The following MTUS2 variants were observed in gnomAD, a reference collection of about 807,000 sequenced individuals.
The protein encoded by MTUS2 is microtubule associated scaffold protein 2.
Under a neutral mutation model 114.1 loss-of-function variants are expected in MTUS2, and 40 were observed. That is an observed-to-expected ratio of 0.35 (90% CI 0.27 to 0.46). MTUS2 has a LOEUF of 0.46. MTUS2 is among the 20% of genes least tolerant of loss of function. The probability of loss-of-function intolerance (pLI) is 1.00; values close to 1 mark genes in which losing one functional copy is unlikely to be tolerated. For missense variants in MTUS2, 1,679 were observed against 1,705.4 expected (o/e 0.98, Z 0.27); for synonymous variants, 688 against 672.0 (o/e 1.02, Z -0.37).
intron 2 of MTUS2, among the ~76,000 whole-genome samples, chr13:28,845,203 G>A (rs1013645366): frequency 1.3e-5 from 2 of 152,024 alleles, no homozygotes; most frequent in East Asian, 1.9e-4. Context: ...TTCTGCCTCC[G>A]CCTCCCAAAG....
intron 2 of MTUS2, among the ~76,000 whole-genome samples, chr13:28,990,562 G>A (rs1884790510): frequency 6.6e-6 from 1 of 151,924 alleles, no homozygotes; most frequent in Admixed American, 6.5e-5. Context: ...GATTGTAAAT[G>A]CACCAGTCAG....
At chr13:29,135,620 T>C (rs1421895233) in intron 5 of MTUS2, among the ~76,000 whole-genome samples, 2 of 152,218 alleles carry the variant, frequency 1.3e-5, no homozygotes, top group Non-Finnish European at 2.9e-5. Context: ...CTTCTTGCAT[T>C]ACTATCTTCT....
At chr13:29,492,477 G>C in intron 11 of MTUS2, among the ~76,000 whole-genome samples, 169 bp from the exon 12 acceptor site, 1 of 151,946 alleles carries the variant, frequency 6.6e-6, no homozygotes, top group East Asian at 1.9e-4. Flanking sequence ...ATACTAACCT[G>C]GTCATGACAT....
intron 1 of MTUS2, among the ~76,000 whole-genome samples, chr13:28,831,396 A>G (rs1360388958): frequency 6.6e-6 from 1 of 152,228 alleles, no homozygotes; most frequent in Admixed American, 6.5e-5. Context: ...TATGCCATTC[A>G]CCACACTCAC....
intron 7 of MTUS2, among the ~76,000 whole-genome samples, chr13:29,335,621 T>A (rs1376479970): frequency 6.6e-6 from 1 of 152,138 alleles, no homozygotes; most frequent in Admixed American, 6.5e-5. Context: ...GACACCCAGC[T>A]TTAAAATTTC....
At chr13:29,306,751 C>G in intron 6 of MTUS2, 1 of 294,038 alleles carries the variant, frequency 3.4e-6, no homozygotes, top group Non-Finnish European at 6.9e-6. Flanking sequence ...TTTTCTCTTG[C>G]ATTGCCAGCC....
chr13:29,179,478 A>G (rs1467697809), intron 5 of MTUS2, among the ~76,000 whole-genome samples: 1 of 152,208 alleles, frequency 6.6e-6, no homozygotes, highest in Non-Finnish European at 1.5e-5. Context: ...CAGTGGTAAT[A>G]TGGAGAGATT....
intron 7 of MTUS2, among the ~76,000 whole-genome samples, chr13:29,337,703 G>C (rs1901145987): frequency 1.3e-5 from 2 of 151,352 alleles, no homozygotes; most frequent in African/African-American, 4.9e-5. Flanking sequence ...CCGGGTTCAA[G>C]TGATTCTCCT....
chr13:29,232,336 A>G (rs1269840062), intron 5 of MTUS2, among the ~76,000 whole-genome samples: 2 of 151,910 alleles, frequency 1.3e-5, no homozygotes, highest in African/African-American at 4.8e-5. Flanking sequence ...ACACATACAC[A>G]TATGGGCACA....
chr13:28,983,691 G>A (rs1221680011), intron 2 of MTUS2, among the ~76,000 whole-genome samples: 2 of 152,096 alleles, frequency 1.3e-5, no homozygotes, highest in Admixed American at 6.6e-5. Context: ...CAGATTCTTG[G>A]GTCCCACCCC....
intron 7 of MTUS2, among the ~76,000 whole-genome samples, chr13:29,338,686 A>G (rs1339060589): frequency 1.3e-5 from 2 of 152,168 alleles, no homozygotes; most frequent in Non-Finnish European, 2.9e-5. Flanking sequence ...TTTTGTATAT[A>G]GTGTGAGGTG....
rs114063019 is a variant in MTUS2, at chr13:29,196,391, T to C, written c.2645-85313T>C. On this transcript the variant is annotated intron_variant, in intron 5 of 15. Coordinates refer to ENST00000612955, the MANE Select transcript of MTUS2 (RefSeq NM_001033602.4). ...AATGTGCAGACCTACATTTTATTAG[T>C]TTCTTTAATCTCAGATTTTTAAAAA... Among the ~76,000 whole-genome samples the C allele has an allele frequency of 1.7e-3, 260 of 151,452 alleles. 2 individuals are homozygous for C. The highest frequency in any genetic ancestry group is 5.9e-3 in the African/African-American group (245 of 41,198).
At chr13:29,395,376 T>G (rs1233521827) in intron 8 of MTUS2, among the ~76,000 whole-genome samples, 4 of 152,140 alleles carry the variant, frequency 2.6e-5, no homozygotes, top group African/African-American at 9.7e-5. Context: ...GGGATGTATT[T>G]TGAAAATGGA....
chr13:29,475,865 T>C (rs1593487855), intron 9 of MTUS2, among the ~76,000 whole-genome samples: 1 of 152,270 alleles, frequency 6.6e-6, no homozygotes, highest in East Asian at 1.9e-4. Flanking sequence ...CAGAAAAATT[T>C]TTTTAAATAA....
At position 29,266,746 on chromosome 13, in the gene MTUS2, A is replaced by G. The variant is rs371949118; in HGVS notation, c.2645-14958A>G. ...GTCTGGGGTTCAAGAACTGGGAAAA[A>G]TATGTGGCTATGATAGGAAGTGGCC... On this transcript the variant is annotated intron_variant, in intron 5 of 15. Transcript: ENST00000612955. Among the ~76,000 whole-genome samples the G allele has an allele frequency of 5.3e-5, 8 of 152,290 alleles. No homozygotes were observed. In the East Asian group the frequency reaches 1.4e-3, roughly 26 times the overall value.
intron 5 of MTUS2, among the ~76,000 whole-genome samples, chr13:29,157,531 A>G (rs1892912106): frequency 6.6e-6 from 1 of 152,176 alleles, no homozygotes; most frequent in Admixed American, 6.5e-5. Context: ...TACCTAACAT[A>G]AAGAAATGGA....
chr13:29,293,075 A>G (rs772403577), intron 6 of MTUS2, among the ~76,000 whole-genome samples: 4 of 152,196 alleles, frequency 2.6e-5, no homozygotes, highest in Admixed American at 1.3e-4. Context: ...CTTTTTTAGT[A>G]TGACATAAAA....
chr13:29,392,608 A>G (rs932601476), intron 8 of MTUS2, among the ~76,000 whole-genome samples: 1 of 152,226 alleles, frequency 6.6e-6, no homozygotes, highest in Non-Finnish European at 1.5e-5. Context: ...GTATATTTAT[A>G]TGAGTTTTAA....
intron 2 of MTUS2, among the ~76,000 whole-genome samples, chr13:28,961,987 T>G (rs551307179): frequency 8.5e-5 from 13 of 152,136 alleles, no homozygotes; most frequent in African/African-American, 3.1e-4. Context: ...GGGAGTAGAA[T>G]TCTTGGATTG....
Sources: allele counts gnomAD v4.1 joint callset (sites outside exome capture counted in the v4.1 genomes callset), GRCh38; gene constraint gnomAD v4.1.1; transcripts MANE v1.5; gene names NCBI Gene and HGNC (gene_info 2026-07-23, HGNC 2026-07-21).